Variants in DPP10 observed in about 807,000 individuals in gnomAD.
DPP10 encodes the protein inactive dipeptidyl peptidase 10.
A neutral mutation model predicts 120.9 loss-of-function variants in DPP10; 33 were observed. The observed-to-expected ratio is 0.27, with a 90% CI of 0.21 to 0.37. The LOEUF is 0.37. Ranked by LOEUF, DPP10 falls within the 10% of genes least tolerant of loss-of-function variation. DPP10 has a pLI of 1.00. For synonymous variants in DPP10, 337 were observed against 326.1 expected, an observed-to-expected ratio of 1.03 and a Z score of -0.36; for missense variants, 816 against 942.8, an observed-to-expected ratio of 0.87 and a Z score of 1.76.
rs1171834441 is a variant in DPP10 at position 114,472,248 on chromosome 2, T to C, written c.60+29410T>C. 3.9e-5 allele frequency among the ~76,000 whole-genome samples: 6 copies of C among 152,318 alleles called. No homozygotes were observed. The East Asian group carries it at 9.7e-4, about 25-fold the overall frequency. Reference sequence around the variant, plus strand: ...GAGCAAGGCATCCACTGAAGTTAGGTCCTTACTGTCCTACAGGGACTGGGA... The same window carrying C: ...GAGCAAGGCATCCACTGAAGTTAGGCCCTTACTGTCCTACAGGGACTGGGA... On this transcript the variant is annotated intron_variant, in intron 1 of 25. Transcript: ENST00000410059.
chr2:114,984,811 C>T (rs1189461734), intron 1 of DPP10, among the ~76,000 whole-genome samples: 6 of 152,128 alleles, frequency 3.9e-5, no homozygotes, highest in African/African-American at 1.2e-4. Flanking sequence ...GAGACATGCC[C>T]GTGTTTGCCA....
At chr2:115,737,200 G>T (rs1259093117) in intron 8 of DPP10, among the ~76,000 whole-genome samples, 6 of 152,144 alleles carry the variant, frequency 3.9e-5, no homozygotes, top group Non-Finnish European at 7.3e-5. Context: ...ATGCTTTGTG[G>T]CACAGATGTG....
At chr2:115,501,502 A>G (rs1813394) in intron 4 of DPP10, among the ~76,000 whole-genome samples, 32,165 of 151,930 alleles carry the variant, frequency 0.21, 3,929 homozygotes, top group East Asian at 0.39. Flanking sequence ...TCTCCTCTAC[A>G]TTAGCCGTGA....
chr2:115,431,153 C>T (rs60629376), intron 3 of DPP10, among the ~76,000 whole-genome samples: 216 of 152,304 alleles, frequency 1.4e-3, no homozygotes, highest in African/African-American at 5.0e-3. Context: ...GCGAAGGGAT[C>T]CAGGAATTCT....
Position 115,842,539 on chromosome 2 carries a change from C to T in DPP10, c.*194C>T. ...CTACTGTGTTGCTAGGGGTGCAGAACCCGTTTCTTTGTATGAGAGAGGTCA... is the reference window on the plus strand; with the variant it reads ...CTACTGTGTTGCTAGGGGTGCAGAATCCGTTTCTTTGTATGAGAGAGGTCA... On this transcript the variant is annotated 3_prime_UTR_variant, in exon 26 of 26. Coordinates refer to ENST00000410059, the MANE Select transcript of DPP10 (RefSeq NM_020868.6). 7.4e-6 allele frequency: 4 copies of T among 542,356 alleles called. No homozygotes were observed. The highest frequency in any genetic ancestry group is 5.7e-6 in the Non-Finnish European group (2 of 348,358). The allele number at this position is 542,356 out of a possible 1,614,324, so 33.6% of individuals were successfully genotyped here. A position where few individuals can be genotyped will look rare whatever the true frequency, so the allele number is the denominator to read the frequency against.
chr2:114,944,276 C>G (rs1205472523), intron 1 of DPP10, among the ~76,000 whole-genome samples: 1 of 152,066 alleles, frequency 6.6e-6, no homozygotes, highest in East Asian at 1.9e-4. Context: ...TAATATGATT[C>G]ATTATTACAA....
chr2:114,858,077 C>T (rs949954148), intron 1 of DPP10, among the ~76,000 whole-genome samples: 1 of 152,182 alleles, frequency 6.6e-6, no homozygotes, highest in African/African-American at 2.4e-5. Flanking sequence ...GTAACCTCCA[C>T]CTCCCGGGTT....
chr2:115,275,871 T>G (rs2059899643), intron 1 of DPP10, among the ~76,000 whole-genome samples: 1 of 151,948 alleles, frequency 6.6e-6, no homozygotes, highest in Non-Finnish European at 1.5e-5. Flanking sequence ...GGCTAATTTT[T>G]TTGTATTTTT....
intron 1 of DPP10, among the ~76,000 whole-genome samples, chr2:114,864,925 C>T (rs1019893572): frequency 3.3e-5 from 5 of 152,022 alleles, no homozygotes; most frequent in East Asian, 1.9e-4. Flanking sequence ...CTAATAATAA[C>T]GTAAAAGATC....
At chr2:115,657,509 A>G (rs1384529016) in intron 5 of DPP10, among the ~76,000 whole-genome samples, 7 of 151,790 alleles carry the variant, frequency 4.6e-5, no homozygotes, top group Admixed American at 4.6e-4. Context: ...TCTTCCTTTT[A>G]AAATCTTCAT....
At chr2:115,585,731 A>C (rs1439701945) in intron 5 of DPP10, among the ~76,000 whole-genome samples, 2 of 151,986 alleles carry the variant, frequency 1.3e-5, no homozygotes, top group African/African-American at 4.8e-5. Context: ...TTTTTAGTTT[A>C]TATTTCTAGT....
intron 7 of DPP10, among the ~76,000 whole-genome samples, chr2:115,691,596 A>G (rs12993546): frequency 6.6e-6 from 1 of 152,102 alleles, no homozygotes; most frequent in Non-Finnish European, 1.5e-5. Context: ...ACAGTATCTT[A>G]ATTAAAATAA....
chr2:115,561,178 G>A (rs958804677), intron 5 of DPP10, among the ~76,000 whole-genome samples: 25 of 151,738 alleles, frequency 1.6e-4, no homozygotes, highest in African/African-American at 5.8e-4. Context: ...GTGAAACCCC[G>A]TCTCTACTGA....
In DPP10 at chr2:114,970,228, A is replaced by G. The variant is rs1487576947; in HGVS notation, c.61-339011A>G. The stretch of plus-strand genomic sequence containing the variant: ...AAATAAGTGGAAAGCTAAAATGGAG[A>G]AATAAATTAAGACAAAAATCTAGAT... On this transcript the variant is annotated intron_variant, in intron 1 of 25. Coordinates refer to ENST00000410059, the MANE Select transcript of DPP10 (RefSeq NM_020868.6). Among the ~76,000 whole-genome samples, 7 of 152,156 alleles carry G rather than the reference A, an allele frequency of 4.6e-5. No homozygotes were observed. In the East Asian group the frequency reaches 1.4e-3, roughly 29 times the overall value.
intron 5 of DPP10, among the ~76,000 whole-genome samples, chr2:115,593,098 A>G (rs2082772711): frequency 6.6e-6 from 1 of 152,206 alleles, no homozygotes; most frequent in Non-Finnish European, 1.5e-5. Flanking sequence ...ACAGAAAAGA[A>G]CAAATTTAAA....
chr2:114,563,434 G>A (rs775766299), intron 1 of DPP10, among the ~76,000 whole-genome samples: 7 of 151,932 alleles, frequency 4.6e-5, no homozygotes, highest in South Asian at 2.1e-4. Flanking sequence ...GAGTGACTAC[G>A]CTGAAGGGTG....
At chr2:115,477,775 A>T (rs2105237883) in intron 3 of DPP10, among the ~76,000 whole-genome samples, 1 of 152,254 alleles carries the variant, frequency 6.6e-6, no homozygotes, top group African/African-American at 2.4e-5. Flanking sequence ...TAATCAAAAC[A>T]GTGTGGTAAT....
chr2:115,296,636 G>C (rs913736042), intron 1 of DPP10, among the ~76,000 whole-genome samples: 6 of 151,952 alleles, frequency 3.9e-5, no homozygotes, highest in Non-Finnish European at 8.8e-5. Flanking sequence ...CATCATCAGG[G>C]ATCTCTCTTT....
chr2:114,962,942 G>T (rs1698755359), intron 1 of DPP10, among the ~76,000 whole-genome samples: 1 of 152,120 alleles, frequency 6.6e-6, no homozygotes, highest in Non-Finnish European at 1.5e-5. Flanking sequence ...TCAGTAAGAT[G>T]GATGAGAATA....
Sources: allele counts gnomAD v4.1 joint callset (sites outside exome capture counted in the v4.1 genomes callset), GRCh38; gene constraint gnomAD v4.1.1; transcripts MANE v1.5; gene names NCBI Gene and HGNC (gene_info 2026-07-23, HGNC 2026-07-21).